SLC6A11: variants seen among roughly 807,000 people sequenced by gnomAD.
SLC6A11 encodes sodium- and chloride-dependent GABA transporter 3.
A neutral mutation model predicts 74.8 loss-of-function variants in SLC6A11; 25 were observed. That is an observed-to-expected ratio of 0.33 (90% confidence interval 0.24 to 0.47). The LOEUF is 0.47. Among genes scored for constraint, SLC6A11 ranks in the 20% least tolerant of loss-of-function variants. The pLI is 1.00. For synonymous variants in SLC6A11, 330 were observed against 330.2 expected (o/e 1.00, Z 0.01); for missense variants, 574 against 837.0 (o/e 0.69, Z 3.88).
intron 5 of SLC6A11, among the ~76,000 whole-genome samples, chr3:10,850,665 G>A (rs1242835115): frequency 6.6e-6 from 1 of 152,174 alleles, no homozygotes; most frequent in Non-Finnish European, 1.5e-5. Context: ...CAAAGTAAAG[G>A]CAGTGATTGA....
intron 4 of SLC6A11, among the ~76,000 whole-genome samples, chr3:10,837,924 G>A (rs574470224): frequency 3.6e-4 from 55 of 152,348 alleles, no homozygotes; most frequent in African/African-American, 1.3e-3. Flanking sequence ...CTCCCTTGGC[G>A]GGGGCCAGGA....
chr3:10,838,965 G>A (rs913924397), intron 4 of SLC6A11, among the ~76,000 whole-genome samples: 2 of 152,150 alleles, frequency 1.3e-5, no homozygotes, highest in African/African-American at 4.8e-5. Flanking sequence ...AAGGAAGGAT[G>A]TAGTTTCCTT....
In SLC6A11 at chr3:10,847,829, T is replaced by A. The variant is rs550647923; in HGVS notation, c.756+3483T>A. 1.2e-4 allele frequency among the ~76,000 whole-genome samples: 19 copies of A among 152,350 alleles called. No homozygotes were observed. The South Asian group carries it at 3.9e-3, about 32-fold the overall frequency. ...AGCATCCAAAGGTTTTTTGGAGTTC[T>A]GTACAAAAACAGCAAAAAATAAAAC... On this transcript the variant is annotated intron_variant, in intron 5 of 13. Transcript: ENST00000254488.
chr3:10,892,381 T>C lies in SLC6A11; in HGVS notation c.891+17286T>C, dbSNP rs566958722. Among the ~76,000 whole-genome samples, 6 of 152,298 alleles carry C rather than the reference T, an allele frequency of 3.9e-5. No homozygotes were observed. The South Asian group carries it at 1.2e-3, about 32-fold the overall frequency. On this transcript the variant is annotated intron_variant, in intron 6 of 13. Coordinates refer to ENST00000254488, the MANE Select transcript of SLC6A11 (RefSeq NM_014229.3). ...CAAGTGGGTGCTGCTCAGCCTCCTA[T>C]GCTGTACCCATCTCGGTCCTTCATG...
chr3:10,927,350 C>T (rs1695622720), intron 9 of SLC6A11, among the ~76,000 whole-genome samples: 1 of 152,182 alleles, frequency 6.6e-6, no homozygotes, highest in South Asian at 2.1e-4. Flanking sequence ...GGCCTGGGGG[C>T]CCGAGGTCTG....
At chr3:10,875,443 T>G (rs559145735) in intron 6 of SLC6A11, among the ~76,000 whole-genome samples, 2 of 152,198 alleles carry the variant, frequency 1.3e-5, no homozygotes, top group African/African-American at 4.8e-5. Flanking sequence ...CACCATGATA[T>G]GAAAATATCT....
intron 6 of SLC6A11, among the ~76,000 whole-genome samples, chr3:10,910,717 C>T (rs907789675): frequency 6.6e-6 from 1 of 152,108 alleles, no homozygotes; most frequent in Non-Finnish European, 1.5e-5. Context: ...TGCCACTTTC[C>T]AGCTGTGTGG....
At chr3:10,914,090 G>A (rs1575700748) in intron 7 of SLC6A11, among the ~76,000 whole-genome samples, 1 of 152,236 alleles carries the variant, frequency 6.6e-6, no homozygotes, top group South Asian at 2.1e-4. Context: ...GGTGGGACAG[G>A]AACTTGGAAT....
intron 6 of SLC6A11, among the ~76,000 whole-genome samples, chr3:10,892,269 G>A (rs1695115661): frequency 6.6e-6 from 1 of 152,238 alleles, no homozygotes; most frequent in Admixed American, 6.5e-5. Context: ...CAGGGCGAGT[G>A]CTGAGTCCTG....
At chr3:10,866,304 A>G (rs1694762056) in intron 5 of SLC6A11, among the ~76,000 whole-genome samples, 1 of 152,202 alleles carries the variant, frequency 6.6e-6, no homozygotes, top group Non-Finnish European at 1.5e-5. Flanking sequence ...CAGAACATAG[A>G]TGGCCACGCC....
intron 6 of SLC6A11, among the ~76,000 whole-genome samples, chr3:10,896,901 A>G (rs1695178216): frequency 6.6e-6 from 1 of 152,194 alleles, no homozygotes; most frequent in Non-Finnish European, 1.5e-5. Flanking sequence ...CACGTTGCTG[A>G]TAAACACATA....
chr3:10,829,974 T>A (rs999012371), intron 4 of SLC6A11, among the ~76,000 whole-genome samples: 4 of 152,046 alleles, frequency 2.6e-5, no homozygotes, highest in Non-Finnish European at 5.9e-5. Context: ...GTGCTGGGCA[T>A]CTTATAAGTA....
At chr3:10,927,887 A>G (rs1373523430) in intron 9 of SLC6A11, among the ~76,000 whole-genome samples, 2 of 152,318 alleles carry the variant, frequency 1.3e-5, no homozygotes, top group East Asian at 3.9e-4. Flanking sequence ...TGCTTCCCAA[A>G]AAGGTGGCTG....
At chr3:10,833,792 C>G (rs572399071) in intron 4 of SLC6A11, among the ~76,000 whole-genome samples, 4 of 152,312 alleles carry the variant, frequency 2.6e-5, no homozygotes, top group Admixed American at 1.3e-4. Context: ...TAGCTGTGGT[C>G]TCCTGTTATT....
chr3:10,856,712 T>C (rs1694642531), intron 5 of SLC6A11, among the ~76,000 whole-genome samples: 1 of 152,136 alleles, frequency 6.6e-6, no homozygotes, highest in Non-Finnish European at 1.5e-5. Flanking sequence ...GCTTATGATG[T>C]GCCGGGTACC....
intron 10 of SLC6A11, among the ~76,000 whole-genome samples, chr3:10,932,902 G>T (rs574868217): frequency 6.6e-6 from 1 of 152,204 alleles, no homozygotes; most frequent in South Asian, 2.1e-4. Context: ...GGCCCTTGGG[G>T]TGCTGGAAAG....
At chr3:10,904,368 G>A (rs1460882094) in intron 6 of SLC6A11, among the ~76,000 whole-genome samples, 6 of 152,146 alleles carry the variant, frequency 3.9e-5, no homozygotes, top group African/African-American at 7.2e-5. Context: ...CCCCAGAGCT[G>A]GAGGTGGGAC....
intron 4 of SLC6A11, among the ~76,000 whole-genome samples, chr3:10,843,621 A>G (rs537829104): frequency 2.0e-5 from 3 of 152,306 alleles, no homozygotes; most frequent in Admixed American, 6.5e-5. Context: ...TCAAGCAACA[A>G]AGTTTATTTC....
chr3:10,877,905 T>A (rs1694928668), intron 6 of SLC6A11, among the ~76,000 whole-genome samples: 1 of 152,188 alleles, frequency 6.6e-6, no homozygotes, highest in African/African-American at 2.4e-5. Flanking sequence ...CAGGGGCATG[T>A]GAGCAGGGGT....
Sources: allele counts gnomAD v4.1 joint callset (sites outside exome capture counted in the v4.1 genomes callset), GRCh38; gene constraint gnomAD v4.1.1; transcripts MANE v1.5; gene names NCBI Gene and HGNC (gene_info 2026-07-23, HGNC 2026-07-21).